The following CATSPERG variants were observed in gnomAD, a reference collection of about 807,000 sequenced individuals.
CATSPERG encodes the protein cation channel sperm-associated auxiliary subunit gamma.
CATSPERG carries 115 observed loss-of-function variants against 145.0 expected under a neutral mutation model. The ratio of observed to expected loss-of-function variants is 0.79; its 90% confidence interval spans 0.68 to 0.93. The LOEUF (loss-of-function observed/expected upper bound fraction) is 0.93, where lower values mean the gene tolerates loss of function less well. CATSPERG is among the 40% of genes least tolerant of loss of function. The probability of loss-of-function intolerance (pLI) is 0.00; values close to 1 mark genes in which losing one functional copy is unlikely to be tolerated. For missense variants in CATSPERG, 1,296 were observed against 1,490.1 expected, an observed-to-expected ratio of 0.87 and a Z score of 2.14; for synonymous variants, 588 against 589.0, an observed-to-expected ratio of 1.00 and a Z score of 0.02.
Position 38,370,021 on chromosome 19 carries a change from A to G in CATSPERG, c.3070A>G (p.Ile1024Val). ...ATGCTATGACAATGTTCCCCAAGGCATCTTTGCCCCTGAATTCTTCTTCAA... is the reference window on the plus strand; with the variant it reads ...ATGCTATGACAATGTTCCCCAAGGCGTCTTTGCCCCTGAATTCTTCTTCAA... ...APCYDNVPQG[I>V]FAPEFFFKVL... Residue 1024 changes from isoleucine to valine, a missense_variant, in exon 27 of 29, where the codon ATC (isoleucine) becomes GTC (valine). By Grantham distance (29) the Ile-to-Val change is conservative. Transcript: ENST00000409235. The G allele has an allele frequency of 1.2e-6, 2 of 1,614,232 alleles. No homozygotes were observed. The highest frequency in any genetic ancestry group is 1.7e-6 in the Non-Finnish European group (2 of 1,180,036).
rs536382863 is a variant in CATSPERG, at chr19:38,337,330, G to A, written c.96G>A (p.Ser32=). The change falls in exon 2 of 29, where the codon TCG becomes TCA. Residue 32 remains serine (S), a synonymous_variant. Transcript: ENST00000409235. ...CCCTGCTGGCAGTGCTCCTGGCGTC[G>A]TGGAGGCTGTGGGCGATCAAGGATT... The part of the protein sequence containing the change: ...LWALLAVLLA[S]WRLWAIKDFQ... 1.9e-6 allele frequency: 3 copies of A among 1,551,442 alleles called. No individual in the cohort carries two copies. The highest frequency in any genetic ancestry group is 1.4e-5 in the African/African-American group (1 of 73,046).
intron 14 of CATSPERG, chr19:38,359,979 T>A: frequency 1.9e-6 from 2 of 1,039,476 alleles, no homozygotes; most frequent in Non-Finnish European, 2.3e-6. Context: ...AGGGAGGGCT[T>A]CATGGGGGAG....
intron 14 of CATSPERG, chr19:38,360,060 G>A: frequency 1.0e-6 from 1 of 985,266 alleles, no homozygotes; most frequent in Non-Finnish European, 1.2e-6. Context: ...GGGGAGTGAA[G>A]GTTCCCTTCA....
chr19:38,358,251 A>C (rs750312058), intron 11 of CATSPERG, 27 bp from the exon 12 acceptor site: 71 of 1,613,268 alleles, frequency 4.4e-5, no homozygotes, highest in Non-Finnish European at 5.8e-5. Flanking sequence ...GCCTCAGGAG[A>C]TTTTGCTGTG....
In CATSPERG at chr19:38,344,063, G is replaced by A. The variant is rs1402529143; in HGVS notation, c.540G>A (p.Val180=). 9 of 1,551,518 alleles carry A rather than the reference G, an allele frequency of 5.8e-6. No individual in the cohort carries two copies. The highest frequency in any genetic ancestry group is 7.0e-6 in the Non-Finnish European group (8 of 1,146,940). The change falls in exon 5 of 29, where the codon GTG becomes GTA. Residue 180 remains valine, a synonymous_variant. Coordinates refer to ENST00000409235, the MANE Select transcript of CATSPERG (RefSeq NM_021185.5). ...CCATGCCCATCAAGAAAGGCAGTGT[G>A]GTCATGCGTGTGGACATCAGCAGCA... is the stretch of plus-strand genomic sequence containing the variant. ...YTPMPIKKGS[V]VMRVDISSNG...
At chr19:38,344,155 CG>C (rs1568372420) in intron 5 of CATSPERG, 36 bp downstream of exon 5, 2 of 1,550,722 alleles carry the variant, frequency 1.3e-6, no homozygotes, top group Admixed American at 3.9e-5. Context: ...GGGTGGACTC[CG>C]GGGGAATTCC....
intron 3 of CATSPERG, among the ~76,000 whole-genome samples, chr19:38,340,724 A>T (rs1386445717): frequency 6.6e-6 from 1 of 151,998 alleles, no homozygotes; most frequent in Non-Finnish European, 1.5e-5. Context: ...GGCTGAAGTG[A>T]TCCTCCTGCC....
Position 38,337,647 on chromosome 19 carries a change from G to A in CATSPERG, c.324+1G>A. 1 of 1,551,624 alleles carries A rather than the reference G, an allele frequency of 6.4e-7. No homozygotes were observed. The highest frequency in any genetic ancestry group is 2.4e-5 in the East Asian group (1 of 40,924). ...GATCAACTACTCCTGCGAGGAAAAG[G>A]TGAGTGGGTGCAGCACGGATAGGCT... On this transcript the variant is annotated splice_donor_variant, in intron 3 of 28. Coordinates refer to ENST00000409235, the MANE Select transcript of CATSPERG (RefSeq NM_021185.5). LOFTEE classifies it high-confidence loss of function.
intron 23 of CATSPERG, 28 bp from the exon 24 acceptor site, chr19:38,367,481 C>G: frequency 6.2e-7 from 1 of 1,607,082 alleles, no homozygotes; most frequent in Non-Finnish European, 8.5e-7. Flanking sequence ...ATTTCTTCTT[C>G]TGGTCTCAAT....
Position 38,369,978 on chromosome 19 carries a change from C to A in CATSPERG, c.3027C>A (p.Leu1009=), listed in dbSNP as rs767632307. The change falls in exon 27 of 29, where the codon CTC becomes CTA. Residue 1009 remains leucine (L), a synonymous_variant. Transcript: ENST00000409235. ...MSHESPGIEW[L]CLENAPCYDN... ...CCTGATCTTTGGCTTGCAGGTGGCT[C>A]TGTCTGGAGAATGCCCCATGCTATG... 3.2e-5 allele frequency: 51 copies of A among 1,614,078 alleles called. No individual in the cohort carries two copies. In the Admixed American group the frequency reaches 8.5e-4, roughly 27 times the overall value.
chr19:38,340,819 A>G (rs1012472981), intron 3 of CATSPERG, among the ~76,000 whole-genome samples: 7 of 151,444 alleles, frequency 4.6e-5, no homozygotes, highest in Non-Finnish European at 1.0e-4. Flanking sequence ...TATGTTGCCT[A>G]AGGCTGGCAT....
Position 38,367,291 on chromosome 19 carries a change from C to A in CATSPERG, c.2749C>A (p.Pro917Thr), listed in dbSNP as rs771103829. 3 of 1,612,804 alleles carry A rather than the reference C, an allele frequency of 1.9e-6. No individual in the cohort carries two copies. The highest frequency in any genetic ancestry group is 4.5e-5 in the East Asian group (2 of 44,884). Residue 917 changes from proline to threonine, a missense_variant, in exon 23 of 29, where the codon CCC (proline) becomes ACC (threonine). Pro to Thr is a conservative substitution (Grantham distance 38). Transcript: ENST00000409235. ...CTGCGTTAACGTGAACCCGGAGATG[C>A]CCTGCTTTCTCTTCCGGGACAGTGT... ...FDCVNVNPEMPCFLFRDIFYP... is the reference protein window; with the variant it reads ...FDCVNVNPEMTCFLFRDIFYP...
At chr19:38,367,094 AC>A in intron 22 of CATSPERG, 61 bp from the exon 23 acceptor site, 5 of 1,486,362 alleles carry the variant, frequency 3.4e-6, no homozygotes, top group Non-Finnish European at 4.5e-6. Context: ...CCTGCCCCTT[AC>A]CCCTCCAGGG....
At chr19:38,338,243 G>C (rs1426779858) in intron 3 of CATSPERG, among the ~76,000 whole-genome samples, 2 of 151,136 alleles carry the variant, frequency 1.3e-5, no homozygotes, top group African/African-American at 4.9e-5. Context: ...CCGCCTCCTG[G>C]GTTCACACCA....
rs142008979 is a variant in CATSPERG, at chr19:38,356,361, C to T, written c.1136-123C>T. 1,212 of 785,494 alleles carry T rather than the reference C, an allele frequency of 1.5e-3. 9 individuals are homozygous for T. In the African/African-American group the frequency reaches 0.019, roughly 12 times the overall value. The allele number at this position is 785,494 out of a possible 1,614,324, so 48.7% of individuals were successfully genotyped here. On this transcript the variant is annotated intron_variant, in intron 9 of 28. Coordinates refer to ENST00000409235, the MANE Select transcript of CATSPERG (RefSeq NM_021185.5). ...TAGGCCAGGTGTGAGTGACGAAAGG[C>T]CAGAGAATGAGATCCCAAGGACGGA...
chr19:38,370,447 C>T (rs1197650199), intron 28 of CATSPERG, 79 bp from the exon 29 acceptor site: 2 of 1,576,680 alleles, frequency 1.3e-6, no homozygotes, highest in Non-Finnish European at 1.7e-6. Flanking sequence ...CTGTCAATTT[C>T]CCTGTCACTG....
intron 14 of CATSPERG, 28 bp from the exon 15 acceptor site, chr19:38,360,461 C>T (rs760520710): frequency 1.2e-6 from 2 of 1,613,070 alleles, no homozygotes; most frequent in Non-Finnish European, 8.5e-7. Context: ...GGTCCTGACA[C>T]ACACACATCC....
At chr19:38,344,767 C>T (rs1412999601) in intron 6 of CATSPERG, among the ~76,000 whole-genome samples, 1 of 137,926 alleles carries the variant, frequency 7.3e-6, no homozygotes, top group African/African-American at 2.7e-5. Context: ...TAGTACATAC[C>T]TGTACATACA....
intron 8 of CATSPERG, 166 bp downstream of exon 8, chr19:38,352,598 T>G: frequency 4.4e-6 from 1 of 225,490 alleles, no homozygotes; most frequent in Non-Finnish European, 8.5e-6. Context: ...CCTTGCCCTT[T>G]TTTTTTTTTT....
Sources: allele counts gnomAD v4.1 joint callset (sites outside exome capture counted in the v4.1 genomes callset), GRCh38; gene constraint gnomAD v4.1.1; transcripts MANE v1.5; gene names NCBI Gene and HGNC (gene_info 2026-07-23, HGNC 2026-07-21).